The following ADPRHL1 variants were observed in gnomAD, a reference collection of about 807,000 sequenced individuals.
ADPRHL1 encodes the protein inactive ADP-ribosyltransferase ARH2.
In ADPRHL1, 43 loss-of-function variants were observed where a neutral mutation model predicts 44.1. The ratio of observed to expected loss-of-function variants is 0.98; its 90% CI spans 0.76 to 1.26. The LOEUF (loss-of-function observed/expected upper bound fraction) is 1.26, where lower values mean the gene tolerates loss of function less well. Ranked by LOEUF, ADPRHL1 falls within the 50% of genes most tolerant of loss-of-function variation. The probability of loss-of-function intolerance (pLI) is 0.00; values close to 1 mark genes in which losing one functional copy is unlikely to be tolerated. For synonymous variants in ADPRHL1, 878 were observed against 1,017.4 expected (o/e 0.86, Z 2.61); for missense variants, 2,022 against 2,496.9 (o/e 0.81, Z 4.05).
chr13:113,411,360 T>C (rs930784901), intron 7 of ADPRHL1, among the ~76,000 whole-genome samples: 1 of 152,138 alleles, frequency 6.6e-6, no homozygotes, highest in Admixed American at 6.5e-5. Flanking sequence ...TGAGCGTCTG[T>C]TCTGGGTGGT....
In ADPRHL1 at chr13:113,407,480, G is replaced by C; in HGVS notation, c.1802C>G (p.Thr601Ser). 8.1e-7 allele frequency: 1 copy of C among 1,232,110 alleles called. No homozygotes were observed. Among genetic ancestry groups the C allele is most frequent in the African/African-American group, 1.5e-5 (1 of 64,552 alleles). 76.3% of individuals were successfully genotyped at this position (1,232,110 alleles called of 1,614,324 possible). Residue 601 changes from threonine to serine, a missense_variant, in exon 8 of 8, where the codon ACC (threonine) becomes AGC (serine). Thr to Ser is a moderately conservative substitution (Grantham distance 58, BLOSUM62 1). This residue lies in a region of ADPRHL1 where 1,221 missense variants were observed against 1,517.8 expected (regional missense o/e 0.80). Coordinates refer to ENST00000612156, the MANE Select transcript of ADPRHL1 (RefSeq NM_001394807.1). ...RVLHTATMAS[T>S]CVKMPPARFL... ...GCGGGCAGGGGGCATCTTGACGCAG[G>C]TGCTGGCCATGGTGGCCGTGTGCAG...
At position 113,453,347 on chromosome 13, in the gene ADPRHL1, T is replaced by C. The variant is rs766088033; in HGVS notation, c.91A>G (p.Met31Val). 1.9e-6 allele frequency: 3 copies of C among 1,614,230 alleles called. No homozygotes were observed. The highest frequency in any genetic ancestry group is 2.5e-6 in the Non-Finnish European group (3 of 1,180,028). Residue 31 changes from methionine (M) to valine (V), a missense_variant, in exon 1 of 8, where the codon ATG (methionine) becomes GTG (valine). Physicochemically the swap from Met to Val is conservative, Grantham distance 21. Around this residue, in one of 8 missense-constraint regions of ADPRHL1, gnomAD observed 437 missense variants for 430.7 expected, o/e 1.01. Coordinates refer to ENST00000612156, the MANE Select transcript of ADPRHL1 (RefSeq NM_001394807.1). This position sits in a 1 kb window ranked among gnomAD's most constrained non-coding sequence, Gnocchi z 5.4. ...CGTTGCAGCTCCTCCTGGATCTTCA[T>C]GCCTACAGTGCTGTTCTCCTTGCAG... ...NVCKENSTVG[M>V]KIQEELQRSG...
At chr13:113,430,211 G>A (rs1022953193) in intron 3 of ADPRHL1, among the ~76,000 whole-genome samples, 4 of 152,196 alleles carry the variant, frequency 2.6e-5, no homozygotes, top group African/African-American at 7.2e-5. Context: ...AGAGGAGCTC[G>A]GAAGAGACTG....
At chr13:113,412,369 G>A (rs928340615) in intron 7 of ADPRHL1, among the ~76,000 whole-genome samples, 2 of 152,116 alleles carry the variant, frequency 1.3e-5, no homozygotes, top group African/African-American at 4.8e-5. Context: ...TAGTAGAGAC[G>A]GGGTTTCACC....
chr13:113,417,227 C>T (rs1380526216), intron 7 of ADPRHL1, among the ~76,000 whole-genome samples: 1 of 152,178 alleles, frequency 6.6e-6, no homozygotes, highest in African/African-American at 2.4e-5. Context: ...AAGGCTGTCC[C>T]CCCAATCTGC....
chr13:113,444,400 G>T (rs112656573), intron 2 of ADPRHL1, 25 bp downstream of exon 2: 28 of 1,609,830 alleles, frequency 1.7e-5, no homozygotes, highest in Middle Eastern at 1.7e-4. Context: ...GTGGCTTTAG[G>T]GGGAGAGGAG....
intron 7 of ADPRHL1, among the ~76,000 whole-genome samples, chr13:113,419,004 C>CTTCCTTTCTTCCCCTTCCCCTCCCCT (rs2043900838): frequency 6.6e-6 from 1 of 150,452 alleles, no homozygotes; most frequent in African/African-American, 2.5e-5. Context: ...CCCTCCCTTC[C>CTTCCTTTCTTCCCCTTCCCCTCCCCT]TCCCTCCCTT....
chr13:113,442,126 T>C (rs1190494585), intron 2 of ADPRHL1, among the ~76,000 whole-genome samples: 3 of 152,270 alleles, frequency 2.0e-5, no homozygotes, highest in Non-Finnish European at 2.9e-5. Flanking sequence ...AAGGCTATTT[T>C]GCCTTCATTT....
At chr13:113,439,314 G>A (rs1595553416) in intron 2 of ADPRHL1, among the ~76,000 whole-genome samples, 2 of 152,142 alleles carry the variant, frequency 1.3e-5, no homozygotes, top group East Asian at 3.9e-4. Context: ...GTAGAGGAGA[G>A]GGCTCACCAT....
Position 113,453,228 on chromosome 13 carries a change from G to A in ADPRHL1, c.210C>T (p.Thr70=). The stretch of plus-strand genomic sequence containing the variant: ...AGCGCGGTGGGCCCAGCCTACCTGT[G>A]GTGAGGGCCTCGGCGGTTGCGATGT... ...IMHIATAEAL[T]TDYWCLDDLY... is the part of the protein sequence containing the mutation. The change falls in exon 1 of 8, where the codon ACC becomes ACT. Residue 70 remains threonine, a synonymous_variant. Coordinates refer to ENST00000612156, the MANE Select transcript of ADPRHL1 (RefSeq NM_001394807.1). The surrounding 1 kb of genome is among the most constrained non-coding windows in gnomAD (Gnocchi z 5.4). 6.2e-7 allele frequency: 1 copy of A among 1,614,070 alleles called. No homozygotes were observed. Among genetic ancestry groups the A allele is most frequent in the Non-Finnish European group, 8.5e-7 (1 of 1,180,040 alleles).
chr13:113,403,568 C>CCCTCCTGGGCCGGGGCCT lies in ADPRHL1; in HGVS notation c.5696_5713dup (p.Glu1904_Gly1905insGluAlaProAlaGlnGlu). On this transcript the variant is annotated inframe_insertion, in exon 8 of 8. Coordinates refer to ENST00000612156, the MANE Select transcript of ADPRHL1 (RefSeq NM_001394807.1). ...CTCAGCCCCAGGGTGGTCTGGGGAC[C>CCCTCCTGGGCCGGGGCCT]CCTCCTGGGCCGGGGCCTGGGGAGT... The CCCTCCTGGGCCGGGGCCT allele has an allele frequency of 8.1e-7, 1 of 1,231,740 alleles. No homozygotes were observed. Among genetic ancestry groups the CCCTCCTGGGCCGGGGCCT allele is most frequent in the South Asian group, 4.1e-5 (1 of 24,320 alleles). The allele number at this position is 1,231,740 out of a possible 1,614,324, so 76.3% of individuals were successfully genotyped here.
Position 113,407,462 on chromosome 13 carries a change from G to A in ADPRHL1, c.1820C>T (p.Pro607Leu). The change falls in exon 8 of 8, where the codon CCT (proline) becomes CTT (leucine). Residue 607 changes from proline (P) to leucine (L), a missense_variant. Physicochemically the swap from Pro to Leu is moderately conservative, Grantham distance 98 (BLOSUM62 -3). Coordinates refer to ENST00000612156, the MANE Select transcript of ADPRHL1 (RefSeq NM_001394807.1). Reference protein sequence around the residue: ...TMASTCVKMPPARFLACTAEP... With the variant: ...TMASTCVKMPLARFLACTAEP... ...AGCCGTGCAGGCCAGAAAGCGGGCA[G>A]GGGGCATCTTGACGCAGGTGCTGGC... 8.1e-7 allele frequency: 1 copy of A among 1,232,086 alleles called. No individual in the cohort carries two copies. The highest frequency in any genetic ancestry group is 3.2e-5 in the East Asian group (1 of 31,692). The allele number at this position is 1,232,086 out of a possible 1,614,324, so 76.3% of individuals were successfully genotyped here.
rs2043759460 is a variant in ADPRHL1 at position 113,401,261 on chromosome 13, G to C, written c.*2117C>G. On this transcript the variant is annotated 3_prime_UTR_variant, in exon 8 of 8. Transcript: ENST00000612156. The surrounding 1 kb of genome is among the most constrained non-coding windows in gnomAD (Gnocchi z 5.5). Reference sequence around the variant, plus strand: ...GGACCCCTGAGCTCCCCTCTCATGGGCCTCTCCGTTTGGGTGGCTCCGAGA... The same window carrying C: ...GGACCCCTGAGCTCCCCTCTCATGGCCCTCTCCGTTTGGGTGGCTCCGAGA... 6.6e-6 allele frequency: 1 copy of C among 152,164 alleles called. No homozygotes were observed. The highest frequency in any genetic ancestry group is 1.5e-5 in the Non-Finnish European group (1 of 68,076). 9.4% of individuals were successfully genotyped at this position (152,164 alleles called of 1,614,324 possible).
intron 1 of ADPRHL1, among the ~76,000 whole-genome samples, chr13:113,449,714 T>C (rs2044166943): frequency 6.6e-6 from 1 of 152,224 alleles, no homozygotes; most frequent in Non-Finnish European, 1.5e-5. Flanking sequence ...GAAGGACTTT[T>C]CAGTGCAGCT....
At chr13:113,450,906 A>G (rs1431018124) in intron 1 of ADPRHL1, among the ~76,000 whole-genome samples, 1 of 152,110 alleles carries the variant, frequency 6.6e-6, no homozygotes, top group Middle Eastern at 3.4e-3. Context: ...GCCCTCCACA[A>G]GAGGTGGAAG....
rs775437680 is a variant in ADPRHL1 at position 113,417,608 on chromosome 13, C to T, written c.1061+5218G>A. ...CAGCCCTTGTTTGCTGACCAGCAGC[C>T]GCTGCTCGGGGTGTGGCACACGAAT... On this transcript the variant is annotated intron_variant, in intron 7 of 7. Coordinates refer to ENST00000612156, the MANE Select transcript of ADPRHL1 (RefSeq NM_001394807.1). 1.1e-4 allele frequency among the ~76,000 whole-genome samples: 16 copies of T among 152,352 alleles called. 1 individual carries two copies. Among genetic ancestry groups the T allele is most frequent in the South Asian group, 8.3e-4 (4 of 4,830 alleles).
At chr13:113,423,096 T>C in intron 6 of ADPRHL1, 117 bp from the exon 7 acceptor site, 1 of 1,448,284 alleles carries the variant, frequency 6.9e-7, no homozygotes, top group South Asian at 1.3e-5. Flanking sequence ...GGGCAGCTGA[T>C]AAAAGGGACA....
intron 1 of ADPRHL1, among the ~76,000 whole-genome samples, chr13:113,446,619 G>A (rs984039296): frequency 1.3e-5 from 2 of 152,254 alleles, no homozygotes; most frequent in African/African-American, 4.8e-5. Flanking sequence ...CATGCACAGT[G>A]TTGCCAACAC....
intron 7 of ADPRHL1, among the ~76,000 whole-genome samples, chr13:113,412,496 A>G (rs1312148342): frequency 6.6e-6 from 1 of 152,176 alleles, no homozygotes; most frequent in African/African-American, 2.4e-5. Flanking sequence ...ATAATTTTCT[A>G]AGATCCGAGT....
Sources: allele counts gnomAD v4.1 joint callset (sites outside exome capture counted in the v4.1 genomes callset), GRCh38; gene constraint gnomAD v4.1.1; regional missense constraint gnomAD v4.1.1; non-coding constraint Gnocchi (gnomAD v3.1); transcripts MANE v1.5; gene names NCBI Gene and HGNC (gene_info 2026-07-23, HGNC 2026-07-21).